AHRR: variants seen among roughly 807,000 people sequenced by gnomAD.
The protein encoded by AHRR is aryl hydrocarbon receptor repressor, also known as ahR repressor.
In AHRR, 28 loss-of-function variants were observed where a neutral mutation model predicts 44.0. That is an observed-to-expected ratio of 0.64 (90% CI 0.47 to 0.87). AHRR has a LOEUF of 0.87. Ranked by LOEUF, AHRR falls within the 40% of genes least tolerant of loss-of-function variation. AHRR has a pLI of 0.00. For synonymous variants in AHRR, 434 were observed against 407.0 expected (o/e 1.07, Z -0.80); for missense variants, 990 against 953.9 (o/e 1.04, Z -0.50).
At chr5:408,898 G>A (rs191909345) in intron 4 of AHRR, among the ~76,000 whole-genome samples, 4 of 152,224 alleles carry the variant, frequency 2.6e-5, no homozygotes, top group Non-Finnish European at 5.9e-5. Context: ...TAATGGGGTC[G>A]ATTTTTATAA....
chr5:395,085 C>T lies in AHRR; in HGVS notation c.352-18259C>T, dbSNP rs564063688. Among the ~76,000 whole-genome samples, 52 of 152,342 alleles carry T rather than the reference C, an allele frequency of 3.4e-4. No individual in the cohort carries two copies. The highest frequency in any genetic ancestry group is 1.1e-3 in the African/African-American group (44 of 41,576). On this transcript the variant is annotated intron_variant, in intron 4 of 10. Transcript: ENST00000684583. This position sits in a 1 kb window ranked among gnomAD's most constrained non-coding sequence, Gnocchi z 5.3. ...GTGATTTCTCCCACCTGTATTTTGA[C>T]TGTGACCCCAAAGCCCCTGCCCTGG...
chr5:332,942 T>C (rs2126333433), intron 1 of AHRR, among the ~76,000 whole-genome samples: 1 of 151,944 alleles, frequency 6.6e-6, no homozygotes, highest in South Asian at 2.1e-4. Context: ...TTTTTTTTTT[T>C]TTTTTTACTG....
rs1443415714 is a variant in AHRR, at chr5:413,412, G to T, written c.420G>T (p.Val140=). ...GTIFYASATI[V]DYLGFHQTDV... is the part of the protein sequence containing the mutation. Reference sequence around the variant, plus strand: ...TATTTTATGCATCAGCAACGATCGTGGACTATCTGGGCTTCCATCAGGTAA... The same window carrying T: ...TATTTTATGCATCAGCAACGATCGTTGACTATCTGGGCTTCCATCAGGTAA... The change falls in exon 5 of 11, where the codon GTG becomes GTT. Residue 140 remains valine, a synonymous_variant. Transcript: ENST00000684583. The T allele has an allele frequency of 2.5e-5, 41 of 1,613,482 alleles. No homozygotes were observed. The highest frequency in any genetic ancestry group is 3.5e-5 in the Non-Finnish European group (41 of 1,179,714).
chr5:429,408 G>A (rs975781133), intron 8 of AHRR, among the ~76,000 whole-genome samples: 13 of 152,326 alleles, frequency 8.5e-5, no homozygotes, highest in Middle Eastern at 3.4e-3. Context: ...GCGAGTTGCC[G>A]CTCCTGCCAC....
rs3840992 is a variant in AHRR at position 435,738 on chromosome 5, TTC to T, written c.*910_*911del. 3,770 of 152,550 alleles carry T rather than the reference TTC, an allele frequency of 0.025. 93 individuals carry two copies. Among genetic ancestry groups the T allele is most frequent in the Admixed American group, 0.055 (844 of 15,294 alleles). The allele number at this position is 152,550 out of a possible 1,614,324, so 9.4% of individuals were successfully genotyped here. ...AGGAAACTGCGCTGCCTGTGGGGGT[TTC>T]TCTCTGGCTGGCTGTACAGTTCACT... On this transcript the variant is annotated 3_prime_UTR_variant, in exon 11 of 11. Coordinates refer to ENST00000684583, the MANE Select transcript of AHRR (RefSeq NM_001377236.1).
chr5:385,317 G>A (rs914617037), intron 4 of AHRR, among the ~76,000 whole-genome samples: 5 of 152,076 alleles, frequency 3.3e-5, no homozygotes, highest in African/African-American at 1.2e-4. Flanking sequence ...TAGGACTACA[G>A]GTGCACACCA....
chr5:365,028 T>C (rs1206739523), intron 3 of AHRR, among the ~76,000 whole-genome samples: 1 of 151,994 alleles, frequency 6.6e-6, no homozygotes. Context: ...AGGAAGAATA[T>C]ATAAATTCAT....
chr5:332,408 C>T lies in AHRR; in HGVS notation c.-11+10589C>T, dbSNP rs193076014. 7.5e-3 allele frequency among the ~76,000 whole-genome samples: 1,140 copies of T among 151,804 alleles called. 20 individuals carry two copies. The East Asian group carries it at 0.087, about 12-fold the overall frequency. On this transcript the variant is annotated intron_variant, in intron 1 of 10. Coordinates refer to ENST00000684583, the MANE Select transcript of AHRR (RefSeq NM_001377236.1). ...TCAGCCTCCTGAGTAGCTGGGACTACGGGTGTGCACCACCATGCCCAGCTA... is the reference window on the plus strand; with the variant it reads ...TCAGCCTCCTGAGTAGCTGGGACTATGGGTGTGCACCACCATGCCCAGCTA...
chr5:356,158 G>T (rs1010134460), intron 3 of AHRR, among the ~76,000 whole-genome samples: 1 of 152,204 alleles, frequency 6.6e-6, no homozygotes, highest in Non-Finnish European at 1.5e-5. Flanking sequence ...TCCACTCTTG[G>T]TGATTTTACT....
At position 432,891 on chromosome 5, in the gene AHRR, A is replaced by G. The variant is rs780044003; in HGVS notation, c.1056A>G (p.Pro352=). 5.3e-5 allele frequency: 85 copies of G among 1,613,488 alleles called. No homozygotes were observed. The highest frequency in any genetic ancestry group is 6.9e-5 in the Non-Finnish European group (82 of 1,180,004). ...GRWAQVPARA[P]CLCLRGGPDL... is the part of the protein sequence containing the mutation. ...GGGCACAGGTTCCCGCCAGGGCCCC[A>G]TGCCTGTGCCTCCGGGGTGGCCCTG... Residue 352 remains proline, a synonymous_variant, in exon 10 of 11, where the codon CCA becomes CCG. Transcript: ENST00000684583.
At chr5:332,807 A>G (rs1741974310) in intron 1 of AHRR, among the ~76,000 whole-genome samples, 1 of 151,648 alleles carries the variant, frequency 6.6e-6, no homozygotes, top group Non-Finnish European at 1.5e-5. Flanking sequence ...CTCTCTCTTT[A>G]GTTCTAGGAA....
At chr5:381,506 CTTT>C (rs781159124) in intron 4 of AHRR, among the ~76,000 whole-genome samples, 944 of 46,620 alleles carry the variant, frequency 0.02, no homozygotes, top group Non-Finnish European at 0.029. Flanking sequence ...CTTAGGTTTG[CTTT>C]TTTTTTTTTT....
At chr5:325,841 G>A (rs1472763092) in intron 1 of AHRR, among the ~76,000 whole-genome samples, 1 of 152,140 alleles carries the variant, frequency 6.6e-6, no homozygotes, top group African/African-American at 2.4e-5. Flanking sequence ...GGAGTGCAGT[G>A]GCGTGATCTT....
intron 5 of AHRR, among the ~76,000 whole-genome samples, chr5:414,353 C>T (rs770429519): frequency 2.6e-5 from 4 of 151,992 alleles, no homozygotes; most frequent in Non-Finnish European, 5.9e-5. Context: ...AGCTGGGGTC[C>T]CTCATGGAAA....
chr5:380,759 A>G (rs903631003), intron 4 of AHRR, among the ~76,000 whole-genome samples: 4 of 152,236 alleles, frequency 2.6e-5, no homozygotes, highest in African/African-American at 9.6e-5. Context: ...TTTATTAGTC[A>G]GGAGTCTCCA....
intron 4 of AHRR, among the ~76,000 whole-genome samples, chr5:400,073 C>T (rs948532812): frequency 3.3e-5 from 5 of 152,116 alleles, no homozygotes; most frequent in African/African-American, 1.2e-4. Context: ...GACTAGCCGC[C>T]GTGTTGTGGC....
chr5:432,806 G>A lies in AHRR; in HGVS notation c.971G>A (p.Gly324Glu). The A allele has an allele frequency of 6.2e-7, 1 of 1,613,894 alleles. No individual in the cohort carries two copies. The highest frequency in any genetic ancestry group is 8.5e-7 in the Non-Finnish European group (1 of 1,180,024). ...ELHGKPNYSA[G>E]RSSRESGVLV... ...TTCCCCCCCCTCTAAACCCCAACAG[G>A]AAGGAGCAGCAGAGAGAGCGGCGTT... The change falls in exon 10 of 11, where the codon GGA (glycine) becomes GAA (glutamate). Residue 324 changes from glycine to glutamate, a missense_variant and splice_region_variant. By Grantham distance (98) the Gly-to-Glu change is moderately conservative (BLOSUM62 -2). Coordinates refer to ENST00000684583, the MANE Select transcript of AHRR (RefSeq NM_001377236.1).
At chr5:376,546 G>C in intron 3 of AHRR, 64 bp from the exon 4 acceptor site, 1 of 1,395,654 alleles carries the variant, frequency 7.2e-7, no homozygotes, top group Non-Finnish European at 9.7e-7. Flanking sequence ...GGAAAGATGT[G>C]AATGAAGAAG....
Position 387,440 on chromosome 5 carries a change from A to T in AHRR, c.351+10724A>T, listed in dbSNP as rs1418726357. The stretch of plus-strand genomic sequence containing the variant: ...ATTGCCCTCTTCTTGTACAGCAGGG[A>T]CCCCATTGTGGGGGTCCTCCATCCA... On this transcript the variant is annotated intron_variant, in intron 4 of 10. Transcript: ENST00000684583. The surrounding 1 kb of genome is among the most constrained non-coding windows in gnomAD (Gnocchi z 5.1). 2.0e-5 allele frequency among the ~76,000 whole-genome samples: 3 copies of T among 152,122 alleles called. No individual in the cohort carries two copies. The highest frequency in any genetic ancestry group is 4.4e-5 in the Non-Finnish European group (3 of 68,030).
Sources: allele counts gnomAD v4.1 joint callset (sites outside exome capture counted in the v4.1 genomes callset), GRCh38; gene constraint gnomAD v4.1.1; non-coding constraint Gnocchi (gnomAD v3.1); transcripts MANE v1.5; gene names NCBI Gene and HGNC (gene_info 2026-07-23, HGNC 2026-07-21).